The following DAZAP1 variants were observed in gnomAD, a reference collection of about 807,000 sequenced individuals.
DAZAP1 encodes DAZ-associated protein 1.
Under a neutral mutation model 60.1 loss-of-function variants are expected in DAZAP1, and 6 were observed. The observed-to-expected ratio is 0.10, with a 90% CI of 0.05 to 0.20. DAZAP1 has a LOEUF of 0.20. Ranked by LOEUF, DAZAP1 falls within the 10% of genes least tolerant of loss-of-function variation. DAZAP1 has a pLI of 1.00. For synonymous variants in DAZAP1, 235 were observed against 215.9 expected (o/e 1.09, Z -0.78); for missense variants, 366 against 560.4 (o/e 0.65, Z 3.50).
chr19:1,423,132 C>T lies in DAZAP1; in HGVS notation c.463+736C>T, dbSNP rs921878898. On this transcript the variant is annotated intron_variant, in intron 6 of 11. Transcript: ENST00000233078. The surrounding 1 kb of genome is among the most constrained non-coding windows in gnomAD (Gnocchi z 6.8). ...CTGGGTCTGCCCGCCACGTCCGTGC[C>T]GCCCCCGCACCACCGGCCCAGGTCA... is the stretch of plus-strand genomic sequence containing the variant. 2.3e-4 allele frequency among the ~76,000 whole-genome samples: 35 copies of T among 152,204 alleles called. No homozygotes were observed. Among genetic ancestry groups the T allele is most frequent in the African/African-American group, 8.4e-4 (35 of 41,454 alleles).
intron 4 of DAZAP1, among the ~76,000 whole-genome samples, chr19:1,419,509 C>A (rs1180966854): frequency 6.6e-6 from 1 of 152,202 alleles, no homozygotes; most frequent in African/African-American, 2.4e-5. Context: ...TCGCATGCAC[C>A]CACCGTCAGC....
rs893332232 is a variant in DAZAP1, at chr19:1,418,833, C to T, written c.303+102C>T. On this transcript the variant is annotated intron_variant, in intron 4 of 11. Transcript: ENST00000233078. The surrounding 1 kb of genome is among the most constrained non-coding windows in gnomAD (Gnocchi z 5.7). ...TGTTGTCGCTCGTTAAGATTGAGGG[C>T]GACGCAGGTCTTCTGGGTTGGCACT... The T allele has an allele frequency of 5.0e-5, 61 of 1,228,030 alleles. No individual in the cohort carries two copies. Among genetic ancestry groups the T allele is most frequent in the East Asian group, 2.0e-4 (8 of 40,838 alleles). The allele number at this position is 1,228,030 out of a possible 1,614,324, so 76.1% of individuals were successfully genotyped here. A position where few individuals can be genotyped will look rare whatever the true frequency, so the allele number is the denominator to read the frequency against.
chr19:1,412,156 A>T (rs1410692634), intron 1 of DAZAP1, among the ~76,000 whole-genome samples: 1 of 152,160 alleles, frequency 6.6e-6, no homozygotes, highest in Non-Finnish European at 1.5e-5. Context: ...AGCGCGTTCC[A>T]GTTCACGGAC....
chr19:1,408,156 C>T (rs1007848579), intron 1 of DAZAP1, among the ~76,000 whole-genome samples: 2 of 151,314 alleles, frequency 1.3e-5, no homozygotes, highest in South Asian at 4.2e-4. Flanking sequence ...CGCCGCTTCC[C>T]GACTGCGCGT....
In DAZAP1 at chr19:1,407,797, G is replaced by A; in HGVS notation, c.24G>A (p.Glu8=). 2 of 1,078,456 alleles carry A rather than the reference G, an allele frequency of 1.9e-6. No homozygotes were observed. The highest frequency in any genetic ancestry group is 4.3e-5 in the South Asian group (1 of 23,394). 66.8% of individuals were successfully genotyped at this position (1,078,456 alleles called of 1,614,324 possible). The change falls in exon 1 of 12, where the codon GAG becomes GAA. Residue 8 remains glutamate (E), a synonymous_variant. Coordinates refer to ENST00000233078, the MANE Select transcript of DAZAP1 (RefSeq NM_018959.4). The part of the protein sequence containing the change: MNNSGAD[E]IGKLFVGGLD... ...CCATGAACAACTCGGGCGCCGACGA[G>A]ATCGGGTGAGGACGAGCGGCGCGGG... is the stretch of plus-strand genomic sequence containing the variant.
chr19:1,419,748 C>T (rs2083091742), intron 4 of DAZAP1, among the ~76,000 whole-genome samples: 1 of 152,148 alleles, frequency 6.6e-6, no homozygotes. Context: ...CTCATGAAAC[C>T]ATCCCGACCG....
intron 4 of DAZAP1, among the ~76,000 whole-genome samples, chr19:1,420,367 C>T (rs1323127464): frequency 6.7e-6 from 1 of 149,596 alleles, no homozygotes; most frequent in East Asian, 2.0e-4. Flanking sequence ...ACTCACCCCA[C>T]GCGCACACTC....
rs1040578799 is a variant in DAZAP1, at chr19:1,423,785, C to T, written c.463+1389C>T. Among the ~76,000 whole-genome samples, 1 of 152,260 alleles carries T rather than the reference C, an allele frequency of 6.6e-6. No homozygotes were observed. The highest frequency in any genetic ancestry group is 2.4e-5 in the African/African-American group (1 of 41,466). ...GGAATCTGAGGGTTGCTTCTAGATC[C>T]TCCCGGTCCCCCTCCGGCTGCCCAG... is the stretch of plus-strand genomic sequence containing the variant. On this transcript the variant is annotated intron_variant, in intron 6 of 11. Transcript: ENST00000233078. This position sits in a 1 kb window ranked among gnomAD's most constrained non-coding sequence, Gnocchi z 6.8.
Position 1,421,164 on chromosome 19 carries a change from G to A in DAZAP1, c.320G>A (p.Ser107Asn), listed in dbSNP as rs770991534. The change falls in exon 5 of 12, where the codon AGC (serine) becomes AAC (asparagine). Residue 107 changes from serine (S) to asparagine (N), a missense_variant. Transcript: ENST00000233078. Reference sequence around the variant, plus strand: ...CTTCAACAGCAGAAAGGACCCAGGAGCGATAACAGTAAATCAAATAAGATA... The same window carrying A: ...CTTCAACAGCAGAAAGGACCCAGGAACGATAACAGTAAATCAAATAAGATA... Reference protein sequence around the residue: ...PKEGWQKGPRSDNSKSNKIFV... With the variant: ...PKEGWQKGPRNDNSKSNKIFV... 1 of 1,614,186 alleles carries A rather than the reference G, an allele frequency of 6.2e-7. No individual in the cohort carries two copies. Among genetic ancestry groups the A allele is most frequent in the Admixed American group, 1.7e-5 (1 of 60,024 alleles).
Position 1,421,783 on chromosome 19 carries a change from C to T in DAZAP1, c.414+525C>T, listed in dbSNP as rs572744100. ...CTGCCGTGCCCCGCAGGTCACACTCCGAGCCCCGCCAGCAGGACAGCCCTG... is the reference window on the plus strand; with the variant it reads ...CTGCCGTGCCCCGCAGGTCACACTCTGAGCCCCGCCAGCAGGACAGCCCTG... On this transcript the variant is annotated intron_variant, in intron 5 of 11. Coordinates refer to ENST00000233078, the MANE Select transcript of DAZAP1 (RefSeq NM_018959.4). 4.6e-5 allele frequency among the ~76,000 whole-genome samples: 7 copies of T among 152,320 alleles called. No individual in the cohort carries two copies. The East Asian group carries it at 1.2e-3, about 25-fold the overall frequency.
At position 1,428,696 on chromosome 19, in the gene DAZAP1, C is replaced by T; in HGVS notation, c.547-146C>T. ...AGAATTTTTTAAGAAAAAAATGCTA[C>T]TGGCCTAAATAAGGTTTATAGTTAA... On this transcript the variant is annotated intron_variant, in intron 7 of 11. Transcript: ENST00000233078. The surrounding 1 kb of genome is among the most constrained non-coding windows in gnomAD (Gnocchi z 4.0). The T allele has an allele frequency of 5.1e-6, 5 of 984,208 alleles. No individual in the cohort carries two copies. Among genetic ancestry groups the T allele is most frequent in the Non-Finnish European group, 7.4e-6 (5 of 676,448 alleles). 61.0% of individuals were successfully genotyped at this position (984,208 alleles called of 1,614,324 possible). A position where few individuals can be genotyped will look rare whatever the true frequency, so the allele number is the denominator to read the frequency against.
intron 9 of DAZAP1, 46 bp from the exon 10 acceptor site, chr19:1,430,176 G>A (rs1358799241): frequency 6.3e-7 from 1 of 1,574,960 alleles, no homozygotes; most frequent in African/African-American, 1.4e-5. Flanking sequence ...GCCAGTCTGT[G>A]TTGTCCAGCG....
In DAZAP1 at chr19:1,428,540, T is replaced by A. The variant is rs886199689; in HGVS notation, c.547-302T>A. 7.7e-5 allele frequency: 23 copies of A among 300,600 alleles called. No homozygotes were observed. The highest frequency in any genetic ancestry group is 4.4e-4 in the African/African-American group (20 of 45,200). 18.6% of individuals were successfully genotyped at this position (300,600 alleles called of 1,614,324 possible). On this transcript the variant is annotated intron_variant, in intron 7 of 11. Transcript: ENST00000233078. The surrounding 1 kb of genome is among the most constrained non-coding windows in gnomAD (Gnocchi z 4.0). ...CCATTTTACTTGAGTGAAAGACCCT[T>A]CGTCACGCACGAAACCCCCGAGGGC...
At chr19:1,419,686 T>A (rs1184141775) in intron 4 of DAZAP1, among the ~76,000 whole-genome samples, 2 of 152,196 alleles carry the variant, frequency 1.3e-5, no homozygotes, top group African/African-American at 4.8e-5. Flanking sequence ...TCTTAAGATA[T>A]AATGGGCACG....
In DAZAP1 at chr19:1,418,689, C is replaced by T. The variant is rs768673476; in HGVS notation, c.261C>T (p.Pro87=). Residue 87 remains proline, a synonymous_variant, in exon 4 of 12, where the codon CCC becomes CCT. Transcript: ENST00000233078. This position sits in a 1 kb window ranked among gnomAD's most constrained non-coding sequence, Gnocchi z 5.7. ...GRNIDPKPCT[P]RGMQPERTRP... ...AGATCGACCCCAAGCCATGCACACC[C>T]CGGGGGATGCAGCCGGAGAGAACAC... 13 of 1,613,754 alleles carry T rather than the reference C, an allele frequency of 8.1e-6. No individual in the cohort carries two copies. The African/African-American group carries it at 1.1e-4, about 13-fold the overall frequency.
At position 1,418,857 on chromosome 19, in the gene DAZAP1, C is replaced by G. The variant is rs1474951631; in HGVS notation, c.303+126C>G. The stretch of plus-strand genomic sequence containing the variant: ...GCGACGCAGGTCTTCTGGGTTGGCA[C>G]TCGAGCAGCTGAGGATCACCCAGAT... On this transcript the variant is annotated intron_variant, in intron 4 of 11. Coordinates refer to ENST00000233078, the MANE Select transcript of DAZAP1 (RefSeq NM_018959.4). The surrounding 1 kb of genome is among the most constrained non-coding windows in gnomAD (Gnocchi z 5.7). 1.1e-6 allele frequency: 1 copy of G among 927,874 alleles called. No homozygotes were observed. The highest frequency in any genetic ancestry group is 1.6e-6 in the Non-Finnish European group (1 of 614,724). 57.5% of individuals were successfully genotyped at this position (927,874 alleles called of 1,614,324 possible). A position where few individuals can be genotyped will look rare whatever the true frequency, so the allele number is the denominator to read the frequency against.
In DAZAP1 at chr19:1,425,761, A is replaced by C; in HGVS notation, c.464-117A>C. ...CTGCCCCAGGGGCCCGCAGCGCCCCACACACAGCTTAGCTGAAACCCAAGG... is the reference window on the plus strand; with the variant it reads ...CTGCCCCAGGGGCCCGCAGCGCCCCCCACACAGCTTAGCTGAAACCCAAGG... On this transcript the variant is annotated intron_variant, in intron 6 of 11. Transcript: ENST00000233078. This position sits in a 1 kb window ranked among gnomAD's most constrained non-coding sequence, Gnocchi z 5.4. The C allele has an allele frequency of 1.3e-6, 1 of 775,446 alleles. No individual in the cohort carries two copies. The highest frequency in any genetic ancestry group is 2.3e-6 in the Non-Finnish European group (1 of 434,380). The allele number at this position is 775,446 out of a possible 1,614,324, so 48.0% of individuals were successfully genotyped here. A position where few individuals can be genotyped will look rare whatever the true frequency, so the allele number is the denominator to read the frequency against.
intron 1 of DAZAP1, among the ~76,000 whole-genome samples, chr19:1,408,662 G>A (rs2082736074): frequency 1.3e-5 from 2 of 152,210 alleles, no homozygotes; most frequent in Admixed American, 1.3e-4. Context: ...CTTGAGCTGC[G>A]GAAGGGAGAG....
chr19:1,427,100 GAC>G (rs2083323212), intron 7 of DAZAP1: 1 of 152,212 alleles, frequency 6.6e-6, no homozygotes, highest in Non-Finnish European at 1.5e-5. Context: ...TAAAACAGGA[GAC>G]ACAATCCTTG....
Sources: allele counts gnomAD v4.1 joint callset (sites outside exome capture counted in the v4.1 genomes callset), GRCh38; gene constraint gnomAD v4.1.1; non-coding constraint Gnocchi (gnomAD v3.1); transcripts MANE v1.5; gene names NCBI Gene and HGNC (gene_info 2026-07-23, HGNC 2026-07-21).